Variants in CHODL observed in about 807,000 individuals in gnomAD.
CHODL encodes the protein transmembrane protein MT75.
Under a neutral mutation model 34.5 loss-of-function variants are expected in CHODL, and 29 were observed. The observed-to-expected ratio is 0.84, with a 90% CI of 0.63 to 1.15. The LOEUF (loss-of-function observed/expected upper bound fraction) is 1.15. Ranked by LOEUF, CHODL falls within the 50% of genes most tolerant of loss-of-function variation. The pLI, the probability that CHODL is intolerant of heterozygous loss-of-function variation, is 0.00. For missense variants in CHODL, 332 were observed against 332.5 expected (o/e 1.00, Z 0.01); for synonymous variants, 125 against 116.1 (o/e 1.08, Z -0.49).
chr21:17,935,110 T>C lies in CHODL; in HGVS notation c.-145+17710T>C, dbSNP rs2063308752. 3.3e-5 allele frequency among the ~76,000 whole-genome samples: 5 copies of C among 152,340 alleles called. No homozygotes were observed. In the South Asian group the frequency reaches 8.3e-4, roughly 25 times the overall value. On this transcript the variant is annotated intron_variant, in intron 1 of 6. Coordinates refer to the CHODL transcript ENST00000400127. ...GAGAGTTGAAAACAATAAAGCTCTA[T>C]TGAGAGACTGGACTGTCCAAATTGT...
intron 2 of CHODL, among the ~76,000 whole-genome samples, chr21:18,123,653 C>A (rs1301237996): frequency 1.3e-5 from 2 of 152,082 alleles, no homozygotes; most frequent in Admixed American, 1.3e-4. Context: ...CAATAACTAA[C>A]CTGCTCCGTA....
intron 1 of CHODL, among the ~76,000 whole-genome samples, chr21:17,972,542 A>G (rs2057897295): frequency 6.6e-6 from 1 of 152,214 alleles, no homozygotes; most frequent in African/African-American, 2.4e-5. Context: ...CCCATTCACA[A>G]TTGCTACAAA....
At chr21:17,927,871 A>G (rs575314357) in intron 1 of CHODL, among the ~76,000 whole-genome samples, 74 of 152,364 alleles carry the variant, frequency 4.9e-4, no homozygotes, top group Non-Finnish European at 9.0e-4. Context: ...TAAATGAAAG[A>G]TGTAGCTGCT....
rs765583791 is a variant in CHODL at position 17,952,471 on chromosome 21, C to T, written c.-145+35071C>T. On this transcript the variant is annotated intron_variant, in intron 1 of 6. Transcript: ENST00000400127. ...AAGTGCTGAACGAAAAATTACTTAC[C>T]GTTAACCAAAGAAAAAAAATCCTTA... Among the ~76,000 whole-genome samples the T allele has an allele frequency of 1.6e-4, 24 of 151,668 alleles. No individual in the cohort carries two copies. In the Middle Eastern group the frequency reaches 0.01, roughly 65 times the overall value.
chr21:18,026,204 A>C (rs756188740), intron 1 of CHODL, among the ~76,000 whole-genome samples: 9 of 152,204 alleles, frequency 5.9e-5, no homozygotes, highest in South Asian at 4.1e-4. Flanking sequence ...GTTGAGTGAC[A>C]AATACGTCAA....
At chr21:18,090,727 A>G (rs1158265958) in intron 2 of CHODL, among the ~76,000 whole-genome samples, 1 of 11,022 alleles carries the variant, frequency 9.1e-5, no homozygotes, top group South Asian at 1.6e-3. Context: ...TAATTTCCAG[A>G]AAAAAAAAAA....
intron 2 of CHODL, among the ~76,000 whole-genome samples, chr21:18,176,037 A>C (rs1601107642): frequency 6.6e-6 from 1 of 152,354 alleles, no homozygotes; most frequent in South Asian, 2.1e-4. Flanking sequence ...AAATATATAG[A>C]TCTAAAACTC....
At chr21:18,170,588 G>A (rs771365349) in intron 2 of CHODL, among the ~76,000 whole-genome samples, 5 of 151,886 alleles carry the variant, frequency 3.3e-5, no homozygotes, top group Non-Finnish European at 7.4e-5. Flanking sequence ...TTGTCCTGGG[G>A]ATTACAATTA....
chr21:18,018,949 C>A (rs918090688), intron 1 of CHODL, among the ~76,000 whole-genome samples: 1 of 152,262 alleles, frequency 6.6e-6, no homozygotes, highest in African/African-American at 2.4e-5. Context: ...CTTCTAATAC[C>A]CTCCATGACT....
At chr21:18,084,752 A>G (rs1473599906) in intron 2 of CHODL, among the ~76,000 whole-genome samples, 3 of 152,146 alleles carry the variant, frequency 2.0e-5, no homozygotes, top group Non-Finnish European at 4.4e-5. Context: ...TAGTTGTTGG[A>G]TATAATTTTC....
chr21:18,078,900 A>G (rs1177557998), intron 2 of CHODL, among the ~76,000 whole-genome samples: 1 of 152,180 alleles, frequency 6.6e-6, no homozygotes, highest in Admixed American at 6.6e-5. Flanking sequence ...TACAGCTAAC[A>G]TGAATCAGAC....
At chr21:17,996,420 T>G (rs140251292) in intron 1 of CHODL, among the ~76,000 whole-genome samples, 2 of 152,346 alleles carry the variant, frequency 1.3e-5, no homozygotes, top group East Asian at 3.9e-4. Flanking sequence ...GGGCATGAAC[T>G]GTGTCTGATT....
chr21:18,036,785 A>G (rs1438238674), intron 2 of CHODL, among the ~76,000 whole-genome samples: 1 of 151,890 alleles, frequency 6.6e-6, no homozygotes, highest in Non-Finnish European at 1.5e-5. Flanking sequence ...GATATGAGTG[A>G]CTTCAGTAAA....
chr21:18,028,085 A>G (rs1260291300), intron 2 of CHODL: 1 of 152,212 alleles, frequency 6.6e-6, no homozygotes, highest in Non-Finnish European at 1.5e-5. Context: ...TACAACAATG[A>G]AAGAAACCTC....
intron 2 of CHODL, among the ~76,000 whole-genome samples, chr21:18,228,771 A>G (rs2073953751): frequency 6.6e-6 from 1 of 152,194 alleles, no homozygotes; most frequent in Non-Finnish European, 1.5e-5. Context: ...TGTAAAACAG[A>G]AGATGCTTCA....
chr21:18,133,981 G>A (rs1402959217), intron 2 of CHODL, among the ~76,000 whole-genome samples: 1 of 152,082 alleles, frequency 6.6e-6, no homozygotes, highest in African/African-American at 2.4e-5. Flanking sequence ...TATATCATCT[G>A]TATCAATTAC....
intron 2 of CHODL, among the ~76,000 whole-genome samples, chr21:18,091,866 C>G (rs965891234): frequency 6.6e-6 from 1 of 152,142 alleles, no homozygotes; most frequent in African/African-American, 2.4e-5. Context: ...GCTCCTCTGC[C>G]TGTGGAAAGG....
intron 1 of CHODL, among the ~76,000 whole-genome samples, chr21:17,922,435 GC>G (rs1336244422): frequency 1.3e-5 from 2 of 152,172 alleles, no homozygotes; most frequent in African/African-American, 2.4e-5. Flanking sequence ...TACAGAGAAA[GC>G]AGCCAATGGC....
At chr21:17,928,587 C>A (rs1025268195) in intron 1 of CHODL, among the ~76,000 whole-genome samples, 1 of 151,422 alleles carries the variant, frequency 6.6e-6, no homozygotes, top group African/African-American at 2.4e-5. Context: ...ACAGTGGGGG[C>A]CAAAGTTGGA....
Sources: allele counts gnomAD v4.1 joint callset (sites outside exome capture counted in the v4.1 genomes callset), GRCh38; gene constraint gnomAD v4.1.1; transcripts MANE v1.5; gene names NCBI Gene and HGNC (gene_info 2026-07-23, HGNC 2026-07-21).